Variants in TAFA2 observed in about 807,000 individuals in gnomAD.
The protein encoded by TAFA2 is TAFA chemokine like family member 2.
In TAFA2, 7 loss-of-function variants were observed where a neutral mutation model predicts 18.8. The observed-to-expected ratio is 0.37, with a 90% CI of 0.21 to 0.70. The LOEUF (loss-of-function observed/expected upper bound fraction) is 0.70. Ranked by LOEUF, TAFA2 falls within the 30% of genes least tolerant of loss-of-function variation. TAFA2 has a pLI of 0.53. For missense variants in TAFA2, 122 were observed against 158.1 expected (o/e 0.77, Z 1.23); for synonymous variants, 60 against 54.2 (o/e 1.11, Z -0.47).
intron 1 of TAFA2, among the ~76,000 whole-genome samples, chr12:62,126,769 T>C (rs1870479533): frequency 6.6e-6 from 1 of 152,136 alleles, no homozygotes; most frequent in African/African-American, 2.4e-5. Context: ...GGACAGAACC[T>C]TGGGGACTTT....
rs1189410121 is a variant in TAFA2, at chr12:62,235,231, G to A, written c.-130+23532C>T. The A allele has an allele frequency of 2.0e-5, 13 of 656,032 alleles. 1 individual carries two copies. The Admixed American group carries it at 2.5e-4, about 13-fold the overall frequency. The allele number at this position is 656,032 out of a possible 1,614,324, so 40.6% of individuals were successfully genotyped here. A position where few individuals can be genotyped will look rare whatever the true frequency, so the allele number is the denominator to read the frequency against. ...GCTTAGGGGCAGTAGCTCACGCCAT[G>A]CTCAGGCAGTGGCATACTGAACTGT... On this transcript the variant is annotated intron_variant, in intron 1 of 5. Coordinates refer to the TAFA2 transcript ENST00000551619.
chr12:62,167,930 AT>A (rs2062451279), intron 1 of TAFA2, among the ~76,000 whole-genome samples: 1 of 152,226 alleles, frequency 6.6e-6, no homozygotes, highest in Non-Finnish European at 1.5e-5. Flanking sequence ...AATGAAAATA[AT>A]ATCTGCAATG....
chr12:62,060,736 T>A (rs1039107816), intron 1 of TAFA2, among the ~76,000 whole-genome samples: 1 of 152,166 alleles, frequency 6.6e-6, no homozygotes, highest in Admixed American at 6.5e-5. Flanking sequence ...CTGCAGACAG[T>A]GATACTGATG....
At chr12:61,908,179 G>GA (rs981405631) in intron 1 of TAFA2, among the ~76,000 whole-genome samples, 2 of 152,008 alleles carry the variant, frequency 1.3e-5, no homozygotes, top group African/African-American at 4.8e-5. Flanking sequence ...GGGCCAGGGT[G>GA]AAATGATATG....
intron 1 of TAFA2, among the ~76,000 whole-genome samples, chr12:61,950,061 C>T (rs1878412570): frequency 6.6e-6 from 1 of 152,100 alleles, no homozygotes; most frequent in African/African-American, 2.4e-5. Flanking sequence ...GCATAATGTC[C>T]TCAAGTTTCA....
chr12:62,233,804 G>A (rs1383054812), intron 1 of TAFA2, among the ~76,000 whole-genome samples: 2 of 152,140 alleles, frequency 1.3e-5, no homozygotes, highest in East Asian at 1.9e-4. Flanking sequence ...CCTCACTTGG[G>A]AGCTTGGATG....
chr12:61,899,878 T>G (rs1312886107), intron 1 of TAFA2, among the ~76,000 whole-genome samples: 3 of 152,218 alleles, frequency 2.0e-5, no homozygotes, highest in Admixed American at 6.5e-5. Flanking sequence ...TAGAGATGAT[T>G]TATAGTACAC....
At chr12:62,075,418 C>T (rs1882735996) in intron 1 of TAFA2, among the ~76,000 whole-genome samples, 1 of 152,140 alleles carries the variant, frequency 6.6e-6, no homozygotes, top group Admixed American at 6.5e-5. Context: ...AAGCTCTTGA[C>T]AATGGAATAT....
chr12:62,166,117 A>G (rs1483983336), intron 1 of TAFA2, among the ~76,000 whole-genome samples: 1 of 151,806 alleles, frequency 6.6e-6, no homozygotes, highest in Non-Finnish European at 1.5e-5. Context: ...TGGTTCCTTA[A>G]TTTTCTCATC....
chr12:61,917,325 T>C (rs1876867345), intron 1 of TAFA2, among the ~76,000 whole-genome samples: 1 of 152,194 alleles, frequency 6.6e-6, no homozygotes, highest in Admixed American at 6.5e-5. Context: ...TTTTCATAAT[T>C]TTTACCTGTC....
chr12:62,013,205 A>G (rs1461647615), intron 1 of TAFA2, among the ~76,000 whole-genome samples: 1 of 152,202 alleles, frequency 6.6e-6, no homozygotes, highest in African/African-American at 2.4e-5. Flanking sequence ...ATTTTACTAC[A>G]TGGAATTCAG....
intron 1 of TAFA2, among the ~76,000 whole-genome samples, chr12:62,240,465 C>T (rs552255345): frequency 6.6e-6 from 1 of 151,504 alleles, no homozygotes; most frequent in East Asian, 1.9e-4. Flanking sequence ...GTATAGTAAA[C>T]TTAATGTAGT....
intron 1 of TAFA2, among the ~76,000 whole-genome samples, chr12:61,950,481 T>C (rs1878428384): frequency 6.6e-6 from 1 of 152,118 alleles, no homozygotes; most frequent in Admixed American, 6.6e-5. Context: ...TAATATCTCA[T>C]AGTTTTGATT....
intron 1 of TAFA2, among the ~76,000 whole-genome samples, chr12:61,964,244 G>T (rs1316724205): frequency 1.3e-5 from 2 of 151,978 alleles, no homozygotes; most frequent in Non-Finnish European, 1.5e-5. Flanking sequence ...TTGAACTAAA[G>T]AGTTTCTGCA....
chr12:62,007,378 T>C (rs1880589081), intron 1 of TAFA2, among the ~76,000 whole-genome samples: 1 of 152,222 alleles, frequency 6.6e-6, no homozygotes, highest in Non-Finnish European at 1.5e-5. Flanking sequence ...GTGATTTTGT[T>C]TTATTTATAA....
At chr12:62,111,744 CTTCT>C (rs1473709366) in intron 1 of TAFA2, among the ~76,000 whole-genome samples, 1 of 152,038 alleles carries the variant, frequency 6.6e-6, no homozygotes, top group Non-Finnish European at 1.5e-5. Flanking sequence ...ATGTAATTCC[CTTCT>C]TTGTCTTTTT....
At chr12:61,949,038 G>A (rs1878374578) in intron 1 of TAFA2, among the ~76,000 whole-genome samples, 2 of 152,260 alleles carry the variant, frequency 1.3e-5, no homozygotes, top group South Asian at 4.1e-4. Flanking sequence ...CCATGGGGTG[G>A]CCAGATATTT....
intron 1 of TAFA2, among the ~76,000 whole-genome samples, chr12:62,153,402 C>A (rs1323605489): frequency 6.6e-6 from 1 of 152,156 alleles, no homozygotes; most frequent in Non-Finnish European, 1.5e-5. Flanking sequence ...GTGGCTCACA[C>A]CTGTAATCCC....
intron 4 of TAFA2, among the ~76,000 whole-genome samples, chr12:61,727,990 C>T (rs905173858): frequency 1.3e-4 from 19 of 147,736 alleles, no homozygotes; most frequent in East Asian, 1.2e-3. Context: ...CATTCAGGAG[C>T]GGATTACTTA....
Sources: allele counts gnomAD v4.1 joint callset (sites outside exome capture counted in the v4.1 genomes callset), GRCh38; gene constraint gnomAD v4.1.1; transcripts MANE v1.5; gene names NCBI Gene and HGNC (gene_info 2026-07-23, HGNC 2026-07-21).